SNUPN: variants seen among roughly 807,000 people sequenced by gnomAD.
The protein encoded by SNUPN is snurportin-1.
A neutral mutation model predicts 39.2 loss-of-function variants in SNUPN; 31 were observed. That is an observed-to-expected ratio of 0.79 (90% CI 0.59 to 1.07). SNUPN has a LOEUF of 1.07. Among genes scored for constraint, SNUPN ranks in the 50% least tolerant of loss-of-function variants. The pLI is 0.00. For synonymous variants in SNUPN, 132 were observed against 159.0 expected, an observed-to-expected ratio of 0.83 and a Z score of 1.28; for missense variants, 382 against 434.2, an observed-to-expected ratio of 0.88 and a Z score of 1.07.
intron 3 of SNUPN, among the ~76,000 whole-genome samples, chr15:75,611,494 C>T (rs1368193136): frequency 4.0e-5 from 6 of 151,522 alleles, no homozygotes; most frequent in Admixed American, 1.3e-4. Context: ...CCTCGTGATC[C>T]GCCCGCCTCG....
intron 8 of SNUPN, among the ~76,000 whole-genome samples, chr15:75,599,869 T>C (rs1406761327): frequency 6.7e-6 from 1 of 149,586 alleles, no homozygotes; most frequent in Admixed American, 6.7e-5. Context: ...TGAGATGGAG[T>C]TTCGCTCGTT....
intron 6 of SNUPN, among the ~76,000 whole-genome samples, chr15:75,606,030 A>T (rs1009041878): frequency 6.6e-6 from 1 of 152,230 alleles, no homozygotes; most frequent in Non-Finnish European, 1.5e-5. Context: ...CTGTAATCCC[A>T]GCTACTCAGA....
chr15:75,609,169 T>G (rs1001530413), intron 5 of SNUPN, among the ~76,000 whole-genome samples: 8 of 129,980 alleles, frequency 6.2e-5, no homozygotes, highest in Admixed American at 7.6e-5. Flanking sequence ...GCTATCAAAG[T>G]GGGTCTTTTT....
At chr15:75,620,814 TAG>T in intron 2 of SNUPN, 78 bp downstream of exon 2, 2 of 1,278,412 alleles carry the variant, frequency 1.6e-6, no homozygotes, top group Non-Finnish European at 2.2e-6. Flanking sequence ...GGAGAGTCTG[TAG>T]AGACAAGCCT....
At chr15:75,616,058 G>C (rs1033060928) in intron 3 of SNUPN, among the ~76,000 whole-genome samples, 4 of 151,978 alleles carry the variant, frequency 2.6e-5, no homozygotes, top group Non-Finnish European at 5.9e-5. Flanking sequence ...AAATTGAATT[G>C]TACTTTGTCA....
chr15:75,598,715 C>G (rs2075262023), intron 8 of SNUPN, 34 bp from the exon 9 acceptor site: 2 of 1,523,394 alleles, frequency 1.3e-6, no homozygotes, highest in African/African-American at 2.7e-5. Flanking sequence ...GATCAAATGA[C>G]TTCTGGGGCC....
rs543192056 is a variant in SNUPN at position 75,615,664 on chromosome 15, T to G, written c.303+1744A>C. Reference sequence around the variant, plus strand: ...TCGCCCAGGCTGGAGTGCAGTGGTGTGATCTCGGCTCACTGCAAGCTCCGC... The same window carrying G: ...TCGCCCAGGCTGGAGTGCAGTGGTGGGATCTCGGCTCACTGCAAGCTCCGC... On this transcript the variant is annotated intron_variant, in intron 3 of 8. Transcript: ENST00000308588. Among the ~76,000 whole-genome samples, 425 of 141,722 alleles carry G rather than the reference T, an allele frequency of 3.0e-3. 1 individual carries two copies. The highest frequency in any genetic ancestry group is 0.011 in the African/African-American group (406 of 37,400). 93.0% of individuals were successfully genotyped at this position (141,722 alleles called of 152,430 possible). A position where few individuals can be genotyped will look rare whatever the true frequency, so the allele number is the denominator to read the frequency against.
At chr15:75,605,306 T>TA in intron 6 of SNUPN, 79 bp from the exon 7 acceptor site, 1 of 115,766 alleles carries the variant, frequency 8.6e-6, no homozygotes, top group East Asian at 1.8e-4. Flanking sequence ...CCCCATGCTA[T>TA]TTTTTTTTTT....
chr15:75,624,753 C>T (rs1173283426), intron 1 of SNUPN: 11 of 1,280,600 alleles, frequency 8.6e-6, no homozygotes, highest in Non-Finnish European at 1.0e-5. Flanking sequence ...CCTGCTGTTT[C>T]GTTTTGTTTT....
At chr15:75,609,828 C>T (rs1892732664) in intron 4 of SNUPN, 62 bp downstream of exon 4, 1 of 1,365,146 alleles carries the variant, frequency 7.3e-7, no homozygotes, top group Non-Finnish European at 1.0e-6. Context: ...GAAAATGGAG[C>T]ACAAAGAATC....
chr15:75,624,129 G>A (rs1392927760), intron 1 of SNUPN, among the ~76,000 whole-genome samples: 3 of 147,930 alleles, frequency 2.0e-5, no homozygotes, highest in African/African-American at 4.9e-5. Context: ...GGGTTTCACC[G>A]TTTTAGCCGG....
Position 75,605,217 on chromosome 15 carries a change from C to T in SNUPN, c.611G>A (p.Arg204Gln), listed in dbSNP as rs144666544. Residue 204 changes from arginine (R) to glutamine (Q), a missense_variant, in exon 7 of 9, where the codon CGA becomes CAA. Transcript: ENST00000308588. ...HPFYDCQTDF[R>Q]FYWMHSKLPE... Reference sequence around the variant, plus strand: ...TAACTTTGAATGCATCCAGTAGAATCGGAAATCAGTCTGCCACAGAGAAGG... The same window carrying T: ...TAACTTTGAATGCATCCAGTAGAATTGGAAATCAGTCTGCCACAGAGAAGG... 41 of 1,610,976 alleles carry T rather than the reference C, an allele frequency of 2.5e-5. No homozygotes were observed. In the East Asian group the frequency reaches 5.4e-4, roughly 21 times the overall value.
chr15:75,609,514 C>T, intron 5 of SNUPN, 44 bp downstream of exon 5: 1 of 1,526,800 alleles, frequency 6.5e-7, no homozygotes, highest in Non-Finnish European at 9.1e-7. Context: ...AAGCAAATTA[C>T]ACTGTCTTTT....
intron 3 of SNUPN, among the ~76,000 whole-genome samples, chr15:75,614,041 G>A (rs952221760): frequency 4.6e-5 from 7 of 152,176 alleles, no homozygotes; most frequent in Admixed American, 6.6e-5. Flanking sequence ...TGTAATCCCA[G>A]CACATTGGGA....
intron 1 of SNUPN, among the ~76,000 whole-genome samples, 198 bp from the exon 2 acceptor site, chr15:75,621,254 G>C (rs1323314410): frequency 7.0e-6 from 1 of 143,098 alleles, no homozygotes; most frequent in Non-Finnish European, 1.5e-5. Context: ...TTTTCCTACA[G>C]ATATTTCCTT....
chr15:75,598,695 G>T lies in SNUPN; in HGVS notation c.760-14C>A. On this transcript the variant is annotated splice_polypyrimidine_tract_variant and intron_variant, in intron 8 of 8. Coordinates refer to ENST00000308588, the MANE Select transcript of SNUPN (RefSeq NM_005701.4). ...AAGTCCATCTACCTATAAGACAAGG[G>T]GAAATTGAGGATCAAATGACTTCTG... is the stretch of plus-strand genomic sequence containing the variant. The T allele has an allele frequency of 6.4e-7, 1 of 1,572,912 alleles. No homozygotes were observed. Among genetic ancestry groups the T allele is most frequent in the Non-Finnish European group, 8.7e-7 (1 of 1,153,390 alleles).
intron 3 of SNUPN, among the ~76,000 whole-genome samples, chr15:75,613,653 A>AAG (rs1555459728): frequency 1.6e-4 from 24 of 151,584 alleles, no homozygotes; most frequent in Non-Finnish European, 3.4e-4. Context: ...AAAAAAAAAA[A>AAG]AAAAGAAAAG....
At chr15:75,625,423 C>A (rs578012079) in intron 1 of SNUPN, 1 of 151,668 alleles carries the variant, frequency 6.6e-6, no homozygotes, top group South Asian at 2.1e-4. Context: ...TTTTTCTAGG[C>A]ATGGGGTCAT....
chr15:75,601,861 C>A (rs1195259234), intron 7 of SNUPN, among the ~76,000 whole-genome samples: 1 of 150,290 alleles, frequency 6.7e-6, no homozygotes, highest in Non-Finnish European at 1.5e-5. Flanking sequence ...ACTACTAGGT[C>A]GTGGTTCCCA....
Sources: gnomAD v4.1 joint callset for allele counts (sites outside exome capture counted in the v4.1 genomes callset) on GRCh38, gnomAD v4.1.1 for gene constraint, MANE v1.5 for transcripts, NCBI Gene and HGNC (gene_info 2026-07-23, HGNC 2026-07-21) for gene names.